Variants in SLC9A1 observed in about 807,000 individuals in gnomAD.
The protein encoded by SLC9A1 is solute carrier family 9 member A1.
Under a neutral mutation model 67.9 loss-of-function variants are expected in SLC9A1, and 22 were observed. The observed-to-expected ratio is 0.32, with a 90% confidence interval of 0.23 to 0.46. SLC9A1 has a LOEUF of 0.46. Among genes scored for constraint, SLC9A1 ranks in the 20% least tolerant of loss-of-function variants. SLC9A1 has a pLI of 1.00. For missense variants in SLC9A1, 686 were observed against 1,094.8 expected, an observed-to-expected ratio of 0.63 and a Z score of 5.27; for synonymous variants, 421 against 471.8, an observed-to-expected ratio of 0.89 and a Z score of 1.40.
intron 1 of SLC9A1, among the ~76,000 whole-genome samples, chr1:27,142,320 A>T (rs2083457747): frequency 1.3e-5 from 2 of 152,246 alleles, no homozygotes; most frequent in African/African-American, 4.8e-5. Flanking sequence ...CCTCAACTGG[A>T]AAAACAGAGA....
At chr1:27,122,279 C>T (rs904121293) in intron 1 of SLC9A1, among the ~76,000 whole-genome samples, 4 of 152,104 alleles carry the variant, frequency 2.6e-5, no homozygotes, top group African/African-American at 9.7e-5. Context: ...CAGCACACAG[C>T]TCTGGACCCC....
chr1:27,145,073 GAA>G (rs952148589), intron 1 of SLC9A1, among the ~76,000 whole-genome samples: 6 of 96,976 alleles, frequency 6.2e-5, no homozygotes, highest in South Asian at 3.4e-4. Flanking sequence ...AAGGAAAAAG[GAA>G]AAAAAAAAAA....
intron 1 of SLC9A1, among the ~76,000 whole-genome samples, chr1:27,147,139 A>C (rs995560891): frequency 7.9e-5 from 12 of 151,474 alleles, no homozygotes; most frequent in Non-Finnish European, 1.8e-4. Context: ...AACAAACAAA[A>C]AAACCAAAAA....
At chr1:27,128,148 G>C (rs949445994) in intron 1 of SLC9A1, among the ~76,000 whole-genome samples, 18 of 152,160 alleles carry the variant, frequency 1.2e-4, no homozygotes, top group African/African-American at 4.3e-4. Context: ...GGCAGCAGCG[G>C]GCAGCGTAAA....
At chr1:27,147,155 C>T (rs2083491756) in intron 1 of SLC9A1, among the ~76,000 whole-genome samples, 1 of 151,766 alleles carries the variant, frequency 6.6e-6, no homozygotes, top group African/African-American at 2.4e-5. Context: ...AAAAAATTAG[C>T]CAGGCATGAT....
At chr1:27,119,919 C>A (rs1453861892) in intron 1 of SLC9A1, among the ~76,000 whole-genome samples, 3 of 152,088 alleles carry the variant, frequency 2.0e-5, no homozygotes, top group Non-Finnish European at 4.4e-5. Context: ...ACTCTAGTGG[C>A]CTAGTAAAGA....
rs757722296 is a variant in SLC9A1 at position 27,107,760 on chromosome 1, G to A, written c.1170C>T (p.Ser390=). 1.1e-5 allele frequency: 18 copies of A among 1,600,238 alleles called. No homozygotes were observed. Among genetic ancestry groups the A allele is most frequent in the South Asian group, 2.3e-5 (2 of 88,250 alleles). The change falls in exon 4 of 12, where the codon AGC becomes AGT. Residue 390 remains serine, a synonymous_variant. Transcript: ENST00000263980. The stretch of plus-strand genomic sequence containing the variant: ...CGAGGAAGATGAAGATGAGGGTCTC[G>A]CTGACGCTGCTCCACATCTTCAGGA... The part of the protein sequence containing the change: ...KYFLKMWSSV[S]ETLIFIFLGV...
chr1:27,143,460 C>T (rs1162918205), intron 1 of SLC9A1, among the ~76,000 whole-genome samples: 2 of 152,214 alleles, frequency 1.3e-5, no homozygotes, highest in Non-Finnish European at 2.9e-5. Flanking sequence ...AACCTTGTAA[C>T]CCTCAGCTGG....
chr1:27,146,221 C>T (rs1234447894), intron 1 of SLC9A1, among the ~76,000 whole-genome samples: 2 of 152,062 alleles, frequency 1.3e-5, no homozygotes, highest in Admixed American at 6.6e-5. Flanking sequence ...GTGGGAGAGG[C>T]GGTGAGGAGG....
intron 4 of SLC9A1, among the ~76,000 whole-genome samples, chr1:27,107,132 ACACACACACCCACACCCTCACAGCCCCTC>A (rs1557738720): frequency 1.5e-3 from 32 of 21,826 alleles, no homozygotes; most frequent in African/African-American, 3.1e-3. Flanking sequence ...GGCCCTCTAC[ACACACACACCCACACCCTCACAGCCCCTC>A]CACACACACC....
chr1:27,117,671 G>A (rs1007240884), intron 1 of SLC9A1, among the ~76,000 whole-genome samples: 1 of 152,128 alleles, frequency 6.6e-6, no homozygotes, highest in Non-Finnish European at 1.5e-5. Flanking sequence ...AGCCTGGCAC[G>A]CACCATCTCA....
rs980669743 is a variant in SLC9A1, at chr1:27,101,409, G to A, written c.2038-134C>T. On this transcript the variant is annotated intron_variant, in intron 10 of 11. Coordinates refer to ENST00000263980, the MANE Select transcript of SLC9A1 (RefSeq NM_003047.5). This position sits in a 1 kb window ranked among gnomAD's most constrained non-coding sequence, Gnocchi z 4.9. ...CTCCCCCTCCCTTGTGCCTGTGTGG[G>A]CACCCGTACTGGCCCCTCAGGAGCT... 14 of 703,840 alleles carry A rather than the reference G, an allele frequency of 2.0e-5. No homozygotes were observed. Among genetic ancestry groups the A allele is most frequent in the African/African-American group, 8.7e-5 (5 of 57,204 alleles). 43.6% of individuals were successfully genotyped at this position (703,840 alleles called of 1,614,324 possible). A position where few individuals can be genotyped will look rare whatever the true frequency, so the allele number is the denominator to read the frequency against.
In SLC9A1 at chr1:27,102,377, G is replaced by C; in HGVS notation, c.1820+8C>G. On this transcript the variant is annotated splice_region_variant and intron_variant, in intron 8 of 11. Coordinates refer to ENST00000263980, the MANE Select transcript of SLC9A1 (RefSeq NM_003047.5). ...GAGCAGAAGCTGCCTGGTTGCCCCAGCACTCACTGCATGGAGACGGTGGAG... is the reference window on the plus strand; with the variant it reads ...GAGCAGAAGCTGCCTGGTTGCCCCACCACTCACTGCATGGAGACGGTGGAG... 6.3e-7 allele frequency: 1 copy of C among 1,580,868 alleles called. No individual in the cohort carries two copies. Among genetic ancestry groups the C allele is most frequent in the Non-Finnish European group, 8.6e-7 (1 of 1,158,120 alleles).
Position 27,154,605 on chromosome 1 carries a change from G to A in SLC9A1, c.-271C>T, listed in dbSNP as rs545921716. ...GTCTGGAACTCCGGGCCTGGGAAGG[G>A]GGAGGACGGATGTGGGAAACTGAGC... On this transcript the variant is annotated 5_prime_UTR_variant, in exon 1 of 12. Transcript: ENST00000263980. 74 of 405,394 alleles carry A rather than the reference G, an allele frequency of 1.8e-4. 1 individual carries two copies. In the South Asian group the frequency reaches 2.7e-3, roughly 15 times the overall value. The allele number at this position is 405,394 out of a possible 1,614,324, so 25.1% of individuals were successfully genotyped here. A position where few individuals can be genotyped will look rare whatever the true frequency, so the allele number is the denominator to read the frequency against.
At chr1:27,147,224 C>T (rs1359194585) in intron 1 of SLC9A1, among the ~76,000 whole-genome samples, 5 of 132,106 alleles carry the variant, frequency 3.8e-5, no homozygotes, top group South Asian at 2.6e-4. Context: ...CACTTGAACC[C>T]GGGAGGCGGA....
At position 27,102,687 on chromosome 1, in the gene SLC9A1, G is replaced by C. The variant is rs557797010; in HGVS notation, c.1632C>G (p.His544Gln). The C allele has an allele frequency of 6.2e-7, 1 of 1,613,754 alleles. No individual in the cohort carries two copies. The part of the protein sequence containing the change: ...IEDICGHYGH[H>Q]HWKDKLNRFN... ...CTGCCACCTACTTGTCCTTCCAGTG[G>C]TGGTGACCGTAGTGGCCACAGATGT... Residue 544 changes from histidine (H) to glutamine (Q), a missense_variant, in exon 7 of 12, where the codon CAC becomes CAG. Physicochemically the swap from His to Gln is conservative, Grantham distance 24. Around this residue, in one of 7 missense-constraint regions of SLC9A1, gnomAD observed 168 missense variants for 375.4 expected, o/e 0.45. Transcript: ENST00000263980.
rs1334378976 is a variant in SLC9A1, at chr1:27,114,521, T to C, written c.353-235A>G. 6.6e-6 allele frequency among the ~76,000 whole-genome samples: 1 copy of C among 152,194 alleles called. No homozygotes were observed. The highest frequency in any genetic ancestry group is 6.5e-5 in the Admixed American group (1 of 15,284). ...CCAAGTGACAGTGTTTTTAAAGCAC[T>C]TTTTTCAAAGGATATATACATGCTA... On this transcript the variant is annotated intron_variant, in intron 1 of 11. Coordinates refer to ENST00000263980, the MANE Select transcript of SLC9A1 (RefSeq NM_003047.5). The surrounding 1 kb of genome is among the most constrained non-coding windows in gnomAD (Gnocchi z 5.4).
chr1:27,129,534 C>G (rs1445935153), intron 1 of SLC9A1, among the ~76,000 whole-genome samples: 1 of 152,162 alleles, frequency 6.6e-6, no homozygotes, highest in Non-Finnish European at 1.5e-5. Context: ...AATGGGAGGT[C>G]AGCTCTCTCC....
rs2083254075 is a variant in SLC9A1 at position 27,114,712 on chromosome 1, A to T, written c.353-426T>A. Among the ~76,000 whole-genome samples the T allele has an allele frequency of 6.6e-6, 1 of 152,176 alleles. No homozygotes were observed. The highest frequency in any genetic ancestry group is 1.5e-5 in the Non-Finnish European group (1 of 68,034). Reference sequence around the variant, plus strand: ...GTTCAGGGAGGCAGATCTGAGCTCAACCTGAGGAATAACAATCTAACAATT... The same window carrying T: ...GTTCAGGGAGGCAGATCTGAGCTCATCCTGAGGAATAACAATCTAACAATT... On this transcript the variant is annotated intron_variant, in intron 1 of 11. Transcript: ENST00000263980. The surrounding 1 kb of genome is among the most constrained non-coding windows in gnomAD (Gnocchi z 5.4).
Sources: gnomAD v4.1 joint callset for allele counts (sites outside exome capture counted in the v4.1 genomes callset) on GRCh38, gnomAD v4.1.1 for gene constraint, gnomAD v4.1.1 regional missense constraint, Gnocchi (gnomAD v3.1) non-coding constraint, MANE v1.5 for transcripts, NCBI Gene and HGNC (gene_info 2026-07-23, HGNC 2026-07-21) for gene names.